Variants in ANGPT1 observed in about 807,000 individuals in gnomAD.
ANGPT1 encodes angiopoietin-1.
A neutral mutation model predicts 62.2 loss-of-function variants in ANGPT1; 17 were observed. The ratio of observed to expected loss-of-function variants is 0.27; its 90% CI spans 0.19 to 0.41. ANGPT1 has a LOEUF of 0.41. Ranked by LOEUF, ANGPT1 falls within the 10% of genes least tolerant of loss-of-function variation. ANGPT1 has a pLI of 1.00. For synonymous variants in ANGPT1, 199 were observed against 198.9 expected (o/e 1.00, Z 0.00); for missense variants, 478 against 594.9 (o/e 0.80, Z 2.04).
At chr8:107,301,704 C>T (rs1814593260) in intron 5 of ANGPT1, among the ~76,000 whole-genome samples, 1 of 151,892 alleles carries the variant, frequency 6.6e-6, no homozygotes, top group East Asian at 1.9e-4. Context: ...CCTGTCCTCC[C>T]TCCTGTGCCC....
rs568489865 is a variant in ANGPT1 at position 107,451,905 on chromosome 8, G to T, written c.297+45357C>A. Among the ~76,000 whole-genome samples, 29 of 151,886 alleles carry T rather than the reference G, an allele frequency of 1.9e-4. No homozygotes were observed. The Middle Eastern group carries it at 0.01, about 53-fold the overall frequency. The stretch of plus-strand genomic sequence containing the variant: ...TGATTCACCATCAGCAATTTTAAAG[G>T]ACTATTAATGTGTTTTTCACCATGT... On this transcript the variant is annotated intron_variant, in intron 1 of 8. Coordinates refer to ENST00000517746, the MANE Select transcript of ANGPT1 (RefSeq NM_001146.5).
chr8:107,307,691 G>A (rs1188324113), intron 4 of ANGPT1, among the ~76,000 whole-genome samples: 8 of 151,852 alleles, frequency 5.3e-5, no homozygotes, highest in African/African-American at 1.9e-4. Flanking sequence ...TGTTCACTAA[G>A]TTTCCATTCT....
rs532848911 is a variant in ANGPT1, at chr8:107,290,014, C to T, written c.1038+3922G>A. 9.1e-4 allele frequency among the ~76,000 whole-genome samples: 138 copies of T among 152,232 alleles called. 1 individual carries two copies. In the Middle Eastern group the frequency reaches 0.01, roughly 11 times the overall value. Reference sequence around the variant, plus strand: ...ACTCCAGACTTTCCTTTCAGACAAACATCTTTACAAATCCATAAACCAGAT... The same window carrying T: ...ACTCCAGACTTTCCTTTCAGACAAATATCTTTACAAATCCATAAACCAGAT... On this transcript the variant is annotated intron_variant, in intron 6 of 8. Coordinates refer to ENST00000517746, the MANE Select transcript of ANGPT1 (RefSeq NM_001146.5).
At chr8:107,360,350 T>A (rs1158171773) in intron 1 of ANGPT1, among the ~76,000 whole-genome samples, 6 of 152,056 alleles carry the variant, frequency 3.9e-5, no homozygotes, top group Non-Finnish European at 7.4e-5. Context: ...CTCAGACCAA[T>A]GAGGTGGCAG....
chr8:107,405,012 A>T (rs1817119683), intron 1 of ANGPT1, among the ~76,000 whole-genome samples: 1 of 152,064 alleles, frequency 6.6e-6, no homozygotes, highest in African/African-American at 2.4e-5. Context: ...TTTCTTGAGA[A>T]CACCATGGGT....
intron 8 of ANGPT1, among the ~76,000 whole-genome samples, chr8:107,256,844 GT>G (rs201485864): frequency 0.017 from 2,575 of 150,826 alleles, 34 homozygotes; most frequent in African/African-American, 0.024. Flanking sequence ...GTTTTGTTCT[GT>G]TTTTTTTTTT....
intron 3 of ANGPT1, among the ~76,000 whole-genome samples, chr8:107,325,137 A>G (rs1815256885): frequency 6.6e-6 from 1 of 152,172 alleles, no homozygotes; most frequent in African/African-American, 2.4e-5. Flanking sequence ...GTAAAACACA[A>G]ACAAAAACAA....
chr8:107,368,337 T>C (rs989294418), intron 1 of ANGPT1, among the ~76,000 whole-genome samples: 1 of 152,050 alleles, frequency 6.6e-6, no homozygotes, highest in African/African-American at 2.4e-5. Flanking sequence ...CATCATGCCA[T>C]GCTGTAAACA....
intron 1 of ANGPT1, among the ~76,000 whole-genome samples, chr8:107,468,031 A>G (rs1812251178): frequency 2.0e-5 from 3 of 152,070 alleles, no homozygotes; most frequent in Admixed American, 1.3e-4. Context: ...GAGGAGAGAA[A>G]GACCTATTCT....
chr8:107,458,710 C>T (rs1345023564), intron 1 of ANGPT1, among the ~76,000 whole-genome samples: 4 of 152,038 alleles, frequency 2.6e-5, no homozygotes, highest in Admixed American at 6.6e-5. Context: ...CAGCTTCTTC[C>T]TCTCCACTAA....
rs1198597056 is a variant in ANGPT1 at position 107,250,051 on chromosome 8, A to T, written c.*1804T>A. 2 of 152,598 alleles carry T rather than the reference A, an allele frequency of 1.3e-5. No individual in the cohort carries two copies. The highest frequency in any genetic ancestry group is 2.4e-5 in the African/African-American group (1 of 41,456). 9.5% of individuals were successfully genotyped at this position (152,598 alleles called of 1,614,324 possible). On this transcript the variant is annotated 3_prime_UTR_variant, in exon 9 of 9. Coordinates refer to ENST00000517746, the MANE Select transcript of ANGPT1 (RefSeq NM_001146.5). ...TAAAAAAGACTTGATGGTAAACTTT[A>T]AAAAGTATTTTTCTTAACAATGTGA... is the stretch of plus-strand genomic sequence containing the variant.
intron 2 of ANGPT1, among the ~76,000 whole-genome samples, chr8:107,341,506 C>T (rs1314804290): frequency 2.0e-5 from 3 of 150,152 alleles, no homozygotes; most frequent in Admixed American, 1.3e-4. Flanking sequence ...ATTAGATAAT[C>T]TTATGGAATT....
At chr8:107,409,905 A>G (rs774861653) in intron 1 of ANGPT1, among the ~76,000 whole-genome samples, 1 of 151,920 alleles carries the variant, frequency 6.6e-6, no homozygotes, top group Non-Finnish European at 1.5e-5. Flanking sequence ...TGCATTTTGT[A>G]TAATACCTGG....
intron 4 of ANGPT1, among the ~76,000 whole-genome samples, chr8:107,318,654 T>C (rs1440379444): frequency 2.0e-5 from 3 of 152,222 alleles, no homozygotes; most frequent in African/African-American, 7.2e-5. Flanking sequence ...TACTTGTTTA[T>C]GTATGTATTT....
At chr8:107,360,264 C>T (rs746395816) in intron 1 of ANGPT1, among the ~76,000 whole-genome samples, 1 of 152,146 alleles carries the variant, frequency 6.6e-6, no homozygotes, top group Non-Finnish European at 1.5e-5. Context: ...TGTGGATCAG[C>T]CAATGAGGTA....
chr8:107,482,707 A>G (rs182514274), intron 1 of ANGPT1, among the ~76,000 whole-genome samples: 1 of 152,308 alleles, frequency 6.6e-6, no homozygotes, highest in East Asian at 1.9e-4. Context: ...TGTTAAATTA[A>G]AAAAGAAATA....
At position 107,250,287 on chromosome 8, in the gene ANGPT1, C is replaced by T. The variant is rs1053386243; in HGVS notation, c.*1568G>A. 22 of 152,082 alleles carry T rather than the reference C, an allele frequency of 1.4e-4. No homozygotes were observed. The highest frequency in any genetic ancestry group is 5.1e-4 in the African/African-American group (21 of 41,434). 9.4% of individuals were successfully genotyped at this position (152,082 alleles called of 1,614,324 possible). On this transcript the variant is annotated 3_prime_UTR_variant, in exon 9 of 9. Coordinates refer to ENST00000517746, the MANE Select transcript of ANGPT1 (RefSeq NM_001146.5). ...CTTGGACACTTACAGGCAGAGAAGA[C>T]TTCTTGATAAAATAATGCAGTAACT...
intron 1 of ANGPT1, among the ~76,000 whole-genome samples, chr8:107,431,009 AGCTCAGCTCTGTACTAATT>A (rs900080826): frequency 1.8e-4 from 28 of 152,308 alleles, no homozygotes; most frequent in African/African-American, 6.7e-4. Flanking sequence ...CTGGATTCAA[AGCTCAGCTCTGTACTAATT>A]GCTATCTGAA....
chr8:107,441,864 T>C (rs928962886), intron 1 of ANGPT1, among the ~76,000 whole-genome samples: 1 of 152,040 alleles, frequency 6.6e-6, no homozygotes, highest in Non-Finnish European at 1.5e-5. Flanking sequence ...GGTGGGTAGA[T>C]CACGAGGTCA....
Sources: allele counts gnomAD v4.1 joint callset (sites outside exome capture counted in the v4.1 genomes callset), GRCh38; gene constraint gnomAD v4.1.1; transcripts MANE v1.5; gene names NCBI Gene and HGNC (gene_info 2026-07-23, HGNC 2026-07-21).